AKAP12: variants seen among roughly 807,000 people sequenced by gnomAD.
The protein encoded by AKAP12 is A-kinase anchoring protein 12.
Under a neutral mutation model 79.9 loss-of-function variants are expected in AKAP12, and 32 were observed. That is an observed-to-expected ratio of 0.40 (90% CI 0.30 to 0.54). AKAP12 has a LOEUF of 0.54. AKAP12 is among the 20% of genes least tolerant of loss of function. The pLI, the probability that AKAP12 is intolerant of heterozygous loss-of-function variation, is 0.48. For synonymous variants in AKAP12, 808 were observed against 857.0 expected (o/e 0.94, Z 1.00); for missense variants, 2,074 against 2,177.0 (o/e 0.95, Z 0.94).
At position 151,353,705 on chromosome 6, in the gene AKAP12, A is replaced by C; in HGVS notation, c.5314A>C (p.Arg1772=). The change falls in exon 4 of 5, where the codon AGA becomes CGA. Residue 1772 remains arginine, a synonymous_variant. Coordinates refer to ENST00000402676, the MANE Select transcript of AKAP12 (RefSeq NM_005100.4). ...QAQEELQKQE[R]ESAKSELTES is the part of the protein sequence containing the mutation. Reference sequence around the variant, plus strand: ...ACAGGAGGAGTTACAGAAACAAGAGAGAGAATCTGCAAAGTCAGAACTTAC... The same window carrying C: ...ACAGGAGGAGTTACAGAAACAAGAGCGAGAATCTGCAAAGTCAGAACTTAC... 1 of 1,603,886 alleles carries C rather than the reference A, an allele frequency of 6.2e-7. No individual in the cohort carries two copies.
intron 3 of AKAP12, chr6:151,323,614 G>T: frequency 1.4e-6 from 1 of 727,806 alleles, no homozygotes; most frequent in Non-Finnish European, 1.7e-6. Flanking sequence ...AAAAAGAAAT[G>T]TTTCAGTGCC....
chr6:151,267,931 T>C (rs1209626865), intron 2 of AKAP12, among the ~76,000 whole-genome samples: 3 of 152,210 alleles, frequency 2.0e-5, no homozygotes, highest in African/African-American at 4.8e-5. Flanking sequence ...CGGCGTTTGC[T>C]GATAGAGTGG....
chr6:151,287,006 T>G (rs943154088), intron 2 of AKAP12, among the ~76,000 whole-genome samples: 19 of 150,022 alleles, frequency 1.3e-4, no homozygotes, highest in African/African-American at 4.2e-4. Flanking sequence ...TGGCGTGATC[T>G]CGGCTCACTG....
chr6:151,347,241 G>A lies in AKAP12; in HGVS notation c.320-1470G>A, dbSNP rs57537458. ...TGTTACAACAAAATATTCTTCATACGTCCTCTGACCCAGCCTGGAATTTCT... is the reference window on the plus strand; with the variant it reads ...TGTTACAACAAAATATTCTTCATACATCCTCTGACCCAGCCTGGAATTTCT... On this transcript the variant is annotated intron_variant, in intron 3 of 4. Transcript: ENST00000402676. Among the ~76,000 whole-genome samples the A allele has an allele frequency of 9.7e-3, 1,479 of 152,220 alleles. 23 individuals are homozygous for A. The highest frequency in any genetic ancestry group is 0.034 in the African/African-American group (1,420 of 41,518).
chr6:151,306,583 A>G (rs1268590520), intron 3 of AKAP12, among the ~76,000 whole-genome samples: 1 of 152,236 alleles, frequency 6.6e-6, no homozygotes, highest in Non-Finnish European at 1.5e-5. Context: ...TAAAATGATG[A>G]TTCGGCATAC....
Position 151,241,810 on chromosome 6 carries a change from A to G in AKAP12, c.162+1086A>G, listed in dbSNP as rs895216490. On this transcript the variant is annotated intron_variant, in intron 2 of 4. Coordinates refer to ENST00000402676, the MANE Select transcript of AKAP12 (RefSeq NM_005100.4). ...GTACGTGAGTTATCGCAGGAGGTGT[A>G]GATGTTTACAATATGCAAAAAAAAA... Among the ~76,000 whole-genome samples, 10 of 138,352 alleles carry G rather than the reference A, an allele frequency of 7.2e-5. No individual in the cohort carries two copies. The South Asian group carries it at 1.8e-3, about 25-fold the overall frequency. 90.8% of individuals were successfully genotyped at this position (138,352 alleles called of 152,430 possible). A position where few individuals can be genotyped will look rare whatever the true frequency, so the allele number is the denominator to read the frequency against.
chr6:151,323,188 G>A (rs907467069), intron 3 of AKAP12, among the ~76,000 whole-genome samples: 2 of 152,206 alleles, frequency 1.3e-5, no homozygotes, highest in African/African-American at 4.8e-5. Flanking sequence ...GAGACCCATT[G>A]GCTGAGAGAG....
intron 2 of AKAP12, among the ~76,000 whole-genome samples, chr6:151,285,655 T>G (rs1776490112): frequency 6.6e-6 from 1 of 152,030 alleles, no homozygotes; most frequent in African/African-American, 2.4e-5. Flanking sequence ...ACAAAAAAAT[T>G]TAAAGTATCA....
At position 151,240,497 on chromosome 6, in the gene AKAP12, C is replaced by T; in HGVS notation, c.-66C>T. On this transcript the variant is annotated 5_prime_UTR_variant, in exon 2 of 5. Coordinates refer to ENST00000402676, the MANE Select transcript of AKAP12 (RefSeq NM_005100.4). ...CGGGCGCGCGTCTTTTGGCTCTTGC[C>T]CCTGTCCCTGCGGCTTGGGGAAGGC... 1 of 1,358,786 alleles carries T rather than the reference C, an allele frequency of 7.4e-7. No individual in the cohort carries two copies. Among genetic ancestry groups the T allele is most frequent in the Non-Finnish European group, 9.4e-7 (1 of 1,061,738 alleles). The allele number at this position is 1,358,786 out of a possible 1,614,324, so 84.2% of individuals were successfully genotyped here.
chr6:151,353,954 TATGAA>T (rs1778370305), intron 4 of AKAP12, among the ~76,000 whole-genome samples: 1 of 152,212 alleles, frequency 6.6e-6, no homozygotes, highest in East Asian at 1.9e-4. Flanking sequence ...TTATCGATGT[TATGAA>T]AAGAACGACT....
At chr6:151,354,118 A>G (rs1310667481) in intron 4 of AKAP12, among the ~76,000 whole-genome samples, 3 of 151,766 alleles carry the variant, frequency 2.0e-5, no homozygotes, top group East Asian at 1.9e-4. Context: ...TAGTGCTCCA[A>G]TGGCTGGGCG....
chr6:151,270,653 T>A (rs1158788867), intron 2 of AKAP12, among the ~76,000 whole-genome samples: 2 of 152,214 alleles, frequency 1.3e-5, no homozygotes, highest in African/African-American at 4.8e-5. Flanking sequence ...CCAGCAGTGT[T>A]TGAGGGTTCC....
chr6:151,308,960 C>CAT (rs1434954532), intron 3 of AKAP12, among the ~76,000 whole-genome samples: 1 of 152,110 alleles, frequency 6.6e-6, no homozygotes, highest in Non-Finnish European at 1.5e-5. Context: ...CTGCAGTTTC[C>CAT]ATCTCCCGGG....
intron 3 of AKAP12, chr6:151,324,572 A>G (rs1777478057): frequency 1.0e-6 from 1 of 985,312 alleles, no homozygotes; most frequent in Non-Finnish European, 1.2e-6. Context: ...GCCCCAAGCA[A>G]TAATGAACAA....
At chr6:151,333,037 G>C (rs1049939964) in intron 3 of AKAP12, among the ~76,000 whole-genome samples, 13 of 152,184 alleles carry the variant, frequency 8.5e-5, no homozygotes, top group African/African-American at 2.9e-4. Flanking sequence ...GCACCAAAAA[G>C]TACATCCACA....
At chr6:151,275,409 A>G (rs1056235280) in intron 2 of AKAP12, among the ~76,000 whole-genome samples, 1 of 151,980 alleles carries the variant, frequency 6.6e-6, no homozygotes, top group Non-Finnish European at 1.5e-5. Flanking sequence ...AAAATTGTAC[A>G]TTTTCCATCT....
At chr6:151,301,316 G>A (rs1286675823) in intron 2 of AKAP12, among the ~76,000 whole-genome samples, 3 of 152,150 alleles carry the variant, frequency 2.0e-5, no homozygotes, top group African/African-American at 4.8e-5. Flanking sequence ...TACCCACAAT[G>A]TATGAAACCA....
At chr6:151,270,316 C>T (rs1164541355) in intron 2 of AKAP12, among the ~76,000 whole-genome samples, 1 of 152,188 alleles carries the variant, frequency 6.6e-6, no homozygotes, top group Non-Finnish European at 1.5e-5. Flanking sequence ...CCTCGGCCTC[C>T]CAAAGTGCTG....
At chr6:151,244,340 C>T (rs963209958) in intron 2 of AKAP12, among the ~76,000 whole-genome samples, 3 of 152,034 alleles carry the variant, frequency 2.0e-5, no homozygotes, top group Admixed American at 6.6e-5. Context: ...CTGGCTAACA[C>T]GGTGAAACCC....
Sources: allele counts gnomAD v4.1 joint callset (sites outside exome capture counted in the v4.1 genomes callset), GRCh38; gene constraint gnomAD v4.1.1; transcripts MANE v1.5; gene names NCBI Gene and HGNC (gene_info 2026-07-23, HGNC 2026-07-21).